The following ARB2A variants were observed in gnomAD, a reference collection of about 807,000 sequenced individuals.
The protein encoded by ARB2A is cotranscriptional regulator ARB2A.
At chr5:93,888,319 G>C in the ARB2A span, among the ~76,000 whole-genome samples, 1 of 151,612 alleles carries the variant, frequency 6.6e-6, no homozygotes, top group Non-Finnish European at 1.5e-5. Flanking sequence ...TGACACAAAG[G>C]TATACCCACA....
At chr5:93,741,280 G>C in the ARB2A span, 1 of 1,613,776 alleles carries the variant, frequency 6.2e-7, no homozygotes, top group Non-Finnish European at 8.5e-7. Flanking sequence ...GCCTTCGGAG[G>C]GGCGTCGCAA....
the ARB2A span, among the ~76,000 whole-genome samples, chr5:93,788,211 GA>G: frequency 3.3e-5 from 5 of 151,974 alleles, no homozygotes; most frequent in African/African-American, 7.2e-5. Context: ...TTGAGGGGGG[GA>G]AATCCTGTTT....
At chr5:93,715,663 G>A in the ARB2A span, among the ~76,000 whole-genome samples, 3 of 148,128 alleles carry the variant, frequency 2.0e-5, no homozygotes, top group Non-Finnish European at 4.5e-5. Flanking sequence ...TTTTTTATTA[G>A]GGAAACAACT....
At chr5:93,766,168 A>G in the ARB2A span, among the ~76,000 whole-genome samples, 8 of 152,206 alleles carry the variant, frequency 5.3e-5, no homozygotes, top group South Asian at 4.1e-4. Context: ...CAATGGCAAC[A>G]AAAGCCAAAA....
chr5:93,627,451 T>TG, the ARB2A span, among the ~76,000 whole-genome samples: 4 of 149,800 alleles, frequency 2.7e-5, no homozygotes, highest in African/African-American at 7.5e-5. Context: ...TTGTTTTTTT[T>TG]TTTTTTTTTT....
At chr5:94,008,362 T>C in the ARB2A span, among the ~76,000 whole-genome samples, 13 of 152,368 alleles carry the variant, frequency 8.5e-5, no homozygotes, top group Middle Eastern at 3.4e-3. Flanking sequence ...CACATGTTAA[T>C]ATGCATATCA....
the ARB2A span, among the ~76,000 whole-genome samples, chr5:94,099,774 G>C: frequency 6.6e-6 from 1 of 151,582 alleles, no homozygotes; most frequent in Non-Finnish European, 1.5e-5. Context: ...CAATAAACTA[G>C]GTATTGAAGG....
chr5:93,812,867 TAAG>T, the ARB2A span, among the ~76,000 whole-genome samples: 1 of 152,162 alleles, frequency 6.6e-6, no homozygotes, highest in East Asian at 1.9e-4. Flanking sequence ...ATGGAAAAAC[TAAG>T]AAGAAATCTG....
At chr5:93,650,158 GA>G in the ARB2A span, among the ~76,000 whole-genome samples, 128 of 138,526 alleles carry the variant, frequency 9.2e-4, 1 homozygote, top group East Asian at 4.1e-3. Flanking sequence ...TATCAAGAAG[GA>G]AAAAAAAAAA....
the ARB2A span, among the ~76,000 whole-genome samples, chr5:93,821,334 G>A: frequency 1.3e-5 from 2 of 152,060 alleles, no homozygotes; most frequent in Non-Finnish European, 2.9e-5. Flanking sequence ...ATGTGTGTGT[G>A]TCATCTTTAA....
chr5:93,866,340 T>C, the ARB2A span: 1 of 946,010 alleles, frequency 1.1e-6, no homozygotes, highest in Non-Finnish European at 1.3e-6. Flanking sequence ...TTAAAATTGA[T>C]TATGGGAGGA....
the ARB2A span, chr5:94,055,788 G>T: frequency 3.0e-6 from 3 of 985,348 alleles, no homozygotes; most frequent in Non-Finnish European, 3.6e-6. Context: ...CAGATTCCTT[G>T]ACTTCGCAGT....
chr5:94,007,749 T>A, the ARB2A span, among the ~76,000 whole-genome samples: 2 of 147,484 alleles, frequency 1.4e-5, no homozygotes, highest in East Asian at 4.0e-4. Flanking sequence ...CACTCCAGCC[T>A]GAGTGACAAA....
At chr5:93,732,486 T>C in the ARB2A span, among the ~76,000 whole-genome samples, 1 of 152,140 alleles carries the variant, frequency 6.6e-6, no homozygotes, top group African/African-American at 2.4e-5. Flanking sequence ...ACACTAATTG[T>C]AATTGTAAAT....
the ARB2A span, among the ~76,000 whole-genome samples, chr5:93,745,225 C>A: frequency 3.3e-5 from 5 of 152,264 alleles, no homozygotes; most frequent in African/African-American, 1.2e-4. Flanking sequence ...GTTCAAATTT[C>A]ATCGTTTTGA....
the ARB2A span, among the ~76,000 whole-genome samples, chr5:93,919,922 T>C: frequency 1.3e-5 from 2 of 152,284 alleles, no homozygotes; most frequent in East Asian, 3.9e-4. Context: ...CACAAATTGA[T>C]TATGAGCTTA....
the ARB2A span, chr5:93,865,495 TA>T: frequency 1.0e-6 from 1 of 985,236 alleles, no homozygotes; most frequent in African/African-American, 1.7e-5. Context: ...TAAGACAATG[TA>T]ACCTATAACT....
chr5:94,082,698 A>ATT, the ARB2A span, among the ~76,000 whole-genome samples: 1 of 146,726 alleles, frequency 6.8e-6, no homozygotes, highest in Non-Finnish European at 1.5e-5. Flanking sequence ...TTCAGAATAG[A>ATT]TTTTTTTTTT....
At chr5:93,862,614 T>C in the ARB2A span, 2 of 152,046 alleles carry the variant, frequency 1.3e-5, no homozygotes, top group African/African-American at 4.8e-5. Context: ...CTGTGATTAC[T>C]AGTGTGTGTG....
Sources: gnomAD v4.1 joint callset for allele counts (sites outside exome capture counted in the v4.1 genomes callset) on GRCh38, gnomAD v4.1.1 for gene constraint, MANE v1.5 for transcripts, NCBI Gene and HGNC (gene_info 2026-07-23, HGNC 2026-07-21) for gene names.